The following FIP1L1 variants were observed in gnomAD, a reference collection of about 807,000 sequenced individuals.
The protein encoded by FIP1L1 is factor interacting with PAPOLA and CPSF1.
FIP1L1 carries 21 observed loss-of-function variants against 84.6 expected under a neutral mutation model. The ratio of observed to expected loss-of-function variants is 0.25; its 90% CI spans 0.18 to 0.36. The LOEUF (loss-of-function observed/expected upper bound fraction) is 0.36. Ranked by LOEUF, FIP1L1 falls within the 10% of genes least tolerant of loss-of-function variation. The pLI is 1.00. For synonymous variants in FIP1L1, 263 were observed against 242.3 expected (o/e 1.09, Z -0.80); for missense variants, 526 against 751.1 (o/e 0.70, Z 3.50).
chr4:53,386,148 G>T (rs1373622821), intron 5 of FIP1L1, among the ~76,000 whole-genome samples: 1 of 151,512 alleles, frequency 6.6e-6, no homozygotes, highest in Admixed American at 6.6e-5. Flanking sequence ...TTGGAAAGTA[G>T]TTTGTTACCT....
intron 16 of FIP1L1, among the ~76,000 whole-genome samples, chr4:53,455,688 C>CA (rs1048713758): frequency 2.5e-4 from 38 of 151,482 alleles, no homozygotes; most frequent in Non-Finnish European, 3.7e-4. Flanking sequence ...TATTTTGGTG[C>CA]AAAAAAAATT....
At chr4:53,428,228 G>A (rs73250963) in intron 13 of FIP1L1, 45 bp downstream of exon 13, 30,919 of 1,482,984 alleles carry the variant, frequency 0.021, 389 homozygotes, top group Non-Finnish European at 0.024. Context: ...AAAATAGCTT[G>A]CGAGTGTTTT....
At chr4:53,440,573 G>GT (rs2150206079) in intron 13 of FIP1L1, 2 of 1,496,238 alleles carry the variant, frequency 1.3e-6, no homozygotes, top group Non-Finnish European at 1.8e-6. Context: ...TTCATCACTT[G>GT]TTTTTTAGGT....
intron 13 of FIP1L1, among the ~76,000 whole-genome samples, chr4:53,434,119 C>T (rs371708579): frequency 2.0e-5 from 3 of 152,154 alleles, no homozygotes; most frequent in African/African-American, 7.2e-5. Flanking sequence ...AAAATTACTG[C>T]AGATCCCATA....
chr4:53,449,574 G>A (rs1217348567), intron 15 of FIP1L1, among the ~76,000 whole-genome samples: 3 of 151,982 alleles, frequency 2.0e-5, no homozygotes, highest in Non-Finnish European at 4.4e-5. Context: ...ATTGGCTTAG[G>A]ATTTCCCTTT....
intron 10 of FIP1L1, among the ~76,000 whole-genome samples, chr4:53,408,320 G>C (rs1754969727): frequency 6.6e-6 from 1 of 152,108 alleles, no homozygotes; most frequent in Non-Finnish European, 1.5e-5. Context: ...TTGAATATTG[G>C]CCCCCACTCT....
intron 5 of FIP1L1, among the ~76,000 whole-genome samples, chr4:53,386,766 A>G (rs1461130424): frequency 1.3e-5 from 2 of 152,182 alleles, no homozygotes; most frequent in Admixed American, 1.3e-4. Context: ...TGCTTTTGCT[A>G]TGTCTTTGTA....
chr4:53,396,556 C>T (rs1747473695), intron 9 of FIP1L1, among the ~76,000 whole-genome samples: 1 of 152,076 alleles, frequency 6.6e-6, no homozygotes, highest in Non-Finnish European at 1.5e-5. Context: ...CAGGCGCCTG[C>T]CACCACACCT....
At chr4:53,380,304 A>G (rs1578073149) in intron 3 of FIP1L1, among the ~76,000 whole-genome samples, 2 of 152,376 alleles carry the variant, frequency 1.3e-5, no homozygotes, top group South Asian at 2.1e-4. Flanking sequence ...TGGCAAGGAC[A>G]ATAAAATGAA....
intron 11 of FIP1L1, among the ~76,000 whole-genome samples, chr4:53,417,793 TCTCTCTCTCTCTCTCTCTCTCTCTCTCA>T (rs1457226977): frequency 1.7e-5 from 2 of 114,988 alleles, no homozygotes; most frequent in Admixed American, 8.4e-5. Flanking sequence ...TCTCTCTCTC[TCTCTCTCTCTCTCTCTCTCTCTCTCTCA>T]GGCTACTTTT....
chr4:53,392,179 A>T (rs1744596456), intron 9 of FIP1L1, among the ~76,000 whole-genome samples: 1 of 152,226 alleles, frequency 6.6e-6, no homozygotes, highest in Non-Finnish European at 1.5e-5. Context: ...TCTTTTATGG[A>T]AAACTGATTG....
intron 9 of FIP1L1, among the ~76,000 whole-genome samples, chr4:53,396,898 A>G (rs1747694832): frequency 1.6e-5 from 2 of 121,458 alleles, no homozygotes; most frequent in African/African-American, 3.1e-5. Flanking sequence ...TGGTCAATGC[A>G]GTTGATTTCA....
rs1261604549 is a variant in FIP1L1, at chr4:53,442,678, A to T, written c.1200A>T (p.Pro400=). The T allele has an allele frequency of 3.7e-6, 6 of 1,606,316 alleles. No homozygotes were observed. Among genetic ancestry groups the T allele is most frequent in the Non-Finnish European group, 5.1e-6 (6 of 1,173,302 alleles). ...GTTTTCCTCCTCCACCAGGCGCTCC[A>T]CCTCCATCTCTTATACCAACAATAG... ...PPGFPPPPGA[P]PPSLIPTIES... Residue 400 remains proline, a synonymous_variant, in exon 14 of 18, where the codon CCA becomes CCT. Transcript: ENST00000337488.
chr4:53,417,642 CAAAAAA>C (rs57635694), intron 11 of FIP1L1, among the ~76,000 whole-genome samples: 24 of 46,342 alleles, frequency 5.2e-4, no homozygotes, highest in South Asian at 2.0e-3. Context: ...AACTCCTTCT[CAAAAAA>C]AAAAAAAAAA....
chr4:53,381,014 C>T (rs1296786604), intron 3 of FIP1L1, among the ~76,000 whole-genome samples: 1 of 152,134 alleles, frequency 6.6e-6, no homozygotes, highest in Non-Finnish European at 1.5e-5. Context: ...AGGGAACCTT[C>T]TACCTTCCCT....
intron 8 of FIP1L1, 92 bp downstream of exon 8, chr4:53,391,231 T>C (rs1744099479): frequency 7.2e-7 from 1 of 1,386,338 alleles, no homozygotes; most frequent in East Asian, 2.3e-5. Flanking sequence ...AGTGGTTAAA[T>C]GCTATATGAT....
intron 11 of FIP1L1, among the ~76,000 whole-genome samples, chr4:53,419,739 C>T (rs150440935): frequency 3.3e-5 from 5 of 152,210 alleles, no homozygotes; most frequent in South Asian, 2.1e-4. Flanking sequence ...GCCACTATGC[C>T]GGCCCCATAT....
chr4:53,433,496 G>A (rs1283714845), intron 13 of FIP1L1, among the ~76,000 whole-genome samples: 9 of 113,126 alleles, frequency 8.0e-5, no homozygotes, highest in South Asian at 3.6e-4. Context: ...ATTTACTTCA[G>A]TGTCATCATA....
chr4:53,450,562 G>A (rs1775960099), intron 15 of FIP1L1, among the ~76,000 whole-genome samples: 1 of 152,204 alleles, frequency 6.6e-6, no homozygotes, highest in Admixed American at 6.5e-5. Flanking sequence ...GCCTGCGCCT[G>A]TAATCCTAGC....
Sources: gnomAD v4.1 joint callset for allele counts (sites outside exome capture counted in the v4.1 genomes callset) on GRCh38, gnomAD v4.1.1 for gene constraint, MANE v1.5 for transcripts, NCBI Gene and HGNC (gene_info 2026-07-23, HGNC 2026-07-21) for gene names.